Variants in SH3GLB1 observed in about 807,000 individuals in gnomAD.
SH3GLB1 encodes the protein SH3 domain containing GRB2 like, endophilin B1.
A neutral mutation model predicts 42.0 loss-of-function variants in SH3GLB1; 17 were observed. The ratio of observed to expected loss-of-function variants is 0.40; its 90% confidence interval spans 0.28 to 0.61. The LOEUF is 0.61. SH3GLB1 is among the 20% of genes least tolerant of loss of function. SH3GLB1 has a pLI of 0.36. For synonymous variants in SH3GLB1, 132 were observed against 146.6 expected (o/e 0.90, Z 0.72); for missense variants, 355 against 426.3 (o/e 0.83, Z 1.47).
At chr1:86,731,376 A>G (rs1459584146) in intron 5 of SH3GLB1, among the ~76,000 whole-genome samples, 6 of 152,134 alleles carry the variant, frequency 3.9e-5, no homozygotes, top group African/African-American at 1.2e-4. Flanking sequence ...TGTTTTATGC[A>G]TAGGTTATAG....
rs1230770684 is a variant in SH3GLB1 at position 86,704,604 on chromosome 1, G to C, written c.-296G>C. The C allele has an allele frequency of 7.2e-6, 2 of 276,892 alleles. No homozygotes were observed. Among genetic ancestry groups the C allele is most frequent in the East Asian group, 1.8e-4 (2 of 11,024 alleles). The allele number at this position is 276,892 out of a possible 1,614,324, so 17.2% of individuals were successfully genotyped here. ...TTTCCCTTGGGACCCGGGTCCACAC[G>C]GCGGGGTCGCCCGTCCATCTCCGGC... On this transcript the variant is annotated 5_prime_UTR_variant, in exon 1 of 9. Coordinates refer to ENST00000370558, the MANE Select transcript of SH3GLB1 (RefSeq NM_016009.5).
chr1:86,709,880 A>C (rs1359294183), intron 1 of SH3GLB1, among the ~76,000 whole-genome samples: 4 of 152,224 alleles, frequency 2.6e-5, no homozygotes, highest in Admixed American at 1.3e-4. Context: ...AAGGATGTAA[A>C]GATGAATATG....
chr1:86,734,499 A>G, intron 5 of SH3GLB1, 103 bp from the exon 6 acceptor site: 1 of 796,548 alleles, frequency 1.3e-6, no homozygotes, highest in East Asian at 2.7e-5. Flanking sequence ...CCAGATTATA[A>G]CTTGAGGTTT....
At chr1:86,718,427 G>T (rs1654680087) in intron 2 of SH3GLB1, among the ~76,000 whole-genome samples, 1 of 152,140 alleles carries the variant, frequency 6.6e-6, no homozygotes, top group Non-Finnish European at 1.5e-5. Flanking sequence ...CTATTTAAAG[G>T]TATTTAATTT....
chr1:86,743,258 G>C lies in SH3GLB1; in HGVS notation c.*23G>C, dbSNP rs1442335624. 6.5e-7 allele frequency: 1 copy of C among 1,531,518 alleles called. No homozygotes were observed. The highest frequency in any genetic ancestry group is 8.9e-7 in the Non-Finnish European group (1 of 1,127,100). 94.9% of individuals were successfully genotyped at this position (1,531,518 alleles called of 1,614,324 possible). The stretch of plus-strand genomic sequence containing the variant: ...TAAGTAGGTGGACTATGGAAAGGTT[G>C]CCCATCATGACTTTGTATTTATATA... On this transcript the variant is annotated 3_prime_UTR_variant, in exon 9 of 9. Transcript: ENST00000370558.
chr1:86,705,048 C>T (rs959887565), intron 1 of SH3GLB1, 77 bp downstream of exon 1: 3 of 987,692 alleles, frequency 3.0e-6, no homozygotes, highest in African/African-American at 3.4e-5. Flanking sequence ...CGACGCGGCG[C>T]CCCCGGGCCT....
chr1:86,721,852 T>TA (rs1654878486), intron 3 of SH3GLB1, among the ~76,000 whole-genome samples: 1 of 152,066 alleles, frequency 6.6e-6, no homozygotes, highest in East Asian at 1.9e-4. Flanking sequence ...AGGTGTCATA[T>TA]AAAATGGCAT....
chr1:86,716,314 G>A (rs546632815), intron 2 of SH3GLB1, among the ~76,000 whole-genome samples: 3 of 151,942 alleles, frequency 2.0e-5, no homozygotes, highest in Admixed American at 6.6e-5. Context: ...TCGCCCTGTC[G>A]CCCATGCTGG....
At chr1:86,729,468 T>C (rs1655389909) in intron 5 of SH3GLB1, among the ~76,000 whole-genome samples, 1 of 152,290 alleles carries the variant, frequency 6.6e-6, no homozygotes, top group African/African-American at 2.4e-5. Flanking sequence ...CATTGTCCTA[T>C]CTATAGGTAA....
In SH3GLB1 at chr1:86,743,425, T is replaced by C. The variant is rs998448165; in HGVS notation, c.*190T>C. On this transcript the variant is annotated 3_prime_UTR_variant, in exon 9 of 9. Transcript: ENST00000370558. The stretch of plus-strand genomic sequence containing the variant: ...CATTACAGAATTTATGTTAGAGCTT[T>C]CATGCCAAGAATGTTTTCTTACAAA... 1 of 369,564 alleles carries C rather than the reference T, an allele frequency of 2.7e-6. No individual in the cohort carries two copies. The highest frequency in any genetic ancestry group is 2.1e-5 in the African/African-American group (1 of 47,796). 22.9% of individuals were successfully genotyped at this position (369,564 alleles called of 1,614,324 possible).
chr1:86,722,550 T>C lies in SH3GLB1; in HGVS notation c.354T>C (p.Leu118=). The part of the protein sequence containing the change: ...FGPGTAYGNA[L]IKCGETQKRI... Reference sequence around the variant, plus strand: ...ATTTTTCCTTTGCAGGTAATGCCCTTATTAAATGTGGAGAAACCCAAAAAA... The same window carrying C: ...ATTTTTCCTTTGCAGGTAATGCCCTCATTAAATGTGGAGAAACCCAAAAAA... The change falls in exon 4 of 9, where the codon CTT becomes CTC. Residue 118 remains leucine, a synonymous_variant. Transcript: ENST00000370558. 1 of 1,592,318 alleles carries C rather than the reference T, an allele frequency of 6.3e-7. No homozygotes were observed. Among genetic ancestry groups the C allele is most frequent in the Non-Finnish European group, 8.5e-7 (1 of 1,172,216 alleles).
At position 86,726,100 on chromosome 1, in the gene SH3GLB1, A is replaced by T. The variant is rs181164000; in HGVS notation, c.570+1695A>T. ...GTAAATTATAAACTAGTTTTTAAAGATAGAAATTTCATACTCAGGAAAAAA... is the reference window on the plus strand; with the variant it reads ...GTAAATTATAAACTAGTTTTTAAAGTTAGAAATTTCATACTCAGGAAAAAA... On this transcript the variant is annotated intron_variant, in intron 5 of 8. Transcript: ENST00000370558. 5.9e-5 allele frequency among the ~76,000 whole-genome samples: 9 copies of T among 152,256 alleles called. No individual in the cohort carries two copies. In the East Asian group the frequency reaches 1.7e-3, roughly 29 times the overall value.
intron 5 of SH3GLB1, among the ~76,000 whole-genome samples, chr1:86,726,992 G>C (rs764468423): frequency 7.9e-5 from 12 of 151,880 alleles, no homozygotes; most frequent in Non-Finnish European, 1.8e-4. Context: ...TAGTTACTCT[G>C]CTAGTAAGGT....
At chr1:86,723,325 A>G (rs1427796808) in intron 4 of SH3GLB1, among the ~76,000 whole-genome samples, 1 of 152,146 alleles carries the variant, frequency 6.6e-6, no homozygotes, top group African/African-American at 2.4e-5. Flanking sequence ...CAGCCTGGCC[A>G]ACATGGTGAA....
intron 1 of SH3GLB1, among the ~76,000 whole-genome samples, chr1:86,713,555 C>T (rs987316731): frequency 2.6e-5 from 4 of 152,158 alleles, no homozygotes; most frequent in African/African-American, 9.7e-5. Context: ...GGACTATACA[C>T]TCTTTCCTTA....
At chr1:86,732,251 C>G (rs773398585) in intron 5 of SH3GLB1, among the ~76,000 whole-genome samples, 1 of 152,140 alleles carries the variant, frequency 6.6e-6, no homozygotes, top group Non-Finnish European at 1.5e-5. Context: ...CAGATTCTTG[C>G]CCATCTTCCA....
At chr1:86,706,231 C>T (rs1413584483) in intron 1 of SH3GLB1, among the ~76,000 whole-genome samples, 1 of 152,230 alleles carries the variant, frequency 6.6e-6, no homozygotes, top group Non-Finnish European at 1.5e-5. Context: ...CTAGTACTCC[C>T]AGCTGCTTTT....
intron 4 of SH3GLB1, among the ~76,000 whole-genome samples, chr1:86,723,898 T>A (rs1169058851): frequency 6.6e-6 from 1 of 152,176 alleles, no homozygotes; most frequent in Non-Finnish European, 1.5e-5. Context: ...GGCTGCACAA[T>A]TCCTTGTAAA....
chr1:86,728,512 C>A, intron 5 of SH3GLB1: 1 of 1,441,366 alleles, frequency 6.9e-7, no homozygotes, highest in Non-Finnish European at 9.4e-7. Context: ...ACTGTGTTTT[C>A]TACATCTTGA....
Sources: gnomAD v4.1 joint callset for allele counts (sites outside exome capture counted in the v4.1 genomes callset) on GRCh38, gnomAD v4.1.1 for gene constraint, MANE v1.5 for transcripts, NCBI Gene and HGNC (gene_info 2026-07-23, HGNC 2026-07-21) for gene names.